The following KIRREL3 variants were observed in gnomAD, a reference collection of about 807,000 sequenced individuals.
KIRREL3 encodes the protein kirre like nephrin family adhesion molecule 3, also known as kin of IRRE-like protein 3.
Under a neutral mutation model 89.7 loss-of-function variants are expected in KIRREL3, and 36 were observed. The observed-to-expected ratio is 0.40, with a 90% CI of 0.31 to 0.53. The LOEUF is 0.53. Among genes scored for constraint, KIRREL3 ranks in the 20% least tolerant of loss-of-function variants. The pLI is 0.49. For synonymous variants in KIRREL3, 445 were observed against 441.4 expected (o/e 1.01, Z -0.10); for missense variants, 864 against 1,056.6 (o/e 0.82, Z 2.53).
chr11:126,790,045 T>C (rs1950591770), intron 1 of KIRREL3, among the ~76,000 whole-genome samples: 1 of 152,216 alleles, frequency 6.6e-6, no homozygotes, highest in Non-Finnish European at 1.5e-5. Context: ...CATCCTCTTC[T>C]AGTCTTCTCT....
Position 126,576,446 on chromosome 11 carries a change from A to G in KIRREL3, c.56-13534T>C, listed in dbSNP as rs903878067. Among the ~76,000 whole-genome samples the G allele has an allele frequency of 5.3e-5, 8 of 152,324 alleles. No individual in the cohort carries two copies. Among genetic ancestry groups the G allele is most frequent in the Non-Finnish European group, 4.4e-5 (3 of 68,032 alleles). On this transcript the variant is annotated intron_variant, in intron 1 of 16. Transcript: ENST00000525144. This position sits in a 1 kb window ranked among gnomAD's most constrained non-coding sequence, Gnocchi z 5.4. The stretch of plus-strand genomic sequence containing the variant: ...ATGGATATTGTGATGAACAAGACAG[A>G]GAAGAATTTTTGCCTTCCCAAGCTT...
intron 9 of KIRREL3, 37 bp from the exon 10 acceptor site, chr11:126,445,142 C>A (rs370218639): frequency 5.6e-6 from 9 of 1,609,316 alleles, no homozygotes; most frequent in Non-Finnish European, 7.6e-6. Flanking sequence ...CAAGAGCAGG[C>A]GGAGGGGTGC....
At chr11:126,449,566 T>G (rs896600115) in intron 7 of KIRREL3, among the ~76,000 whole-genome samples, 1 of 152,182 alleles carries the variant, frequency 6.6e-6, no homozygotes, top group African/African-American at 2.4e-5. Context: ...GGAGGCCAAG[T>G]CCATGACCTC....
chr11:126,431,627 G>C lies in KIRREL3; in HGVS notation c.1589-101C>G. On this transcript the variant is annotated intron_variant, in intron 13 of 16. Transcript: ENST00000525144. This position sits in a 1 kb window ranked among gnomAD's most constrained non-coding sequence, Gnocchi z 7.1. ...CTGCGGGGGCAGCCCCTGCCACATGGGGCCCTCCTGGGAAATGCCTCAGTG... is the reference window on the plus strand; with the variant it reads ...CTGCGGGGGCAGCCCCTGCCACATGCGGCCCTCCTGGGAAATGCCTCAGTG... 1 of 1,178,122 alleles carries C rather than the reference G, an allele frequency of 8.5e-7. No homozygotes were observed. Among genetic ancestry groups the C allele is most frequent in the African/African-American group, 1.5e-5 (1 of 66,626 alleles). The allele number at this position is 1,178,122 out of a possible 1,614,324, so 73.0% of individuals were successfully genotyped here.
chr11:126,672,767 G>A (rs568246372), intron 1 of KIRREL3, among the ~76,000 whole-genome samples: 2 of 152,170 alleles, frequency 1.3e-5, no homozygotes, highest in East Asian at 1.9e-4. Context: ...AGTCAGGTAC[G>A]TGTTACAGTG....
At position 126,828,551 on chromosome 11, in the gene KIRREL3, C is replaced by T. The variant is rs143957210; in HGVS notation, c.55+171904G>A. On this transcript the variant is annotated intron_variant, in intron 1 of 16. Transcript: ENST00000525144. ...ACAGCAGGACCAGGGGAGTGGGGGG[C>T]AAGACAGGTGTCAACGCAGCAGACA... is the stretch of plus-strand genomic sequence containing the variant. 1.4e-3 allele frequency among the ~76,000 whole-genome samples: 211 copies of T among 152,218 alleles called. 1 individual carries two copies. The highest frequency in any genetic ancestry group is 3.4e-3 in the Middle Eastern group (1 of 294).
chr11:126,616,449 T>C (rs563155937), intron 1 of KIRREL3, among the ~76,000 whole-genome samples: 51 of 87,730 alleles, frequency 5.8e-4, no homozygotes, highest in African/African-American at 1.5e-3. Context: ...TGGTTGGGCA[T>C]AGAGGCTTTC....
Position 126,624,760 on chromosome 11 carries a change from G to A in KIRREL3, c.56-61848C>T, listed in dbSNP as rs1025512669. Among the ~76,000 whole-genome samples, 2 of 152,216 alleles carry A rather than the reference G, an allele frequency of 1.3e-5. No individual in the cohort carries two copies. Among genetic ancestry groups the A allele is most frequent in the African/African-American group, 4.8e-5 (2 of 41,454 alleles). On this transcript the variant is annotated intron_variant, in intron 1 of 16. Transcript: ENST00000525144. This position sits in a 1 kb window ranked among gnomAD's most constrained non-coding sequence, Gnocchi z 6.0. The stretch of plus-strand genomic sequence containing the variant: ...GAGCATCAATAACGTGTGTCATGAT[G>A]TAATGCAGGGAGACCTCCAGATGCT...
intron 1 of KIRREL3, among the ~76,000 whole-genome samples, chr11:126,959,419 T>C (rs773995579): frequency 6.6e-5 from 10 of 152,324 alleles, no homozygotes; most frequent in Non-Finnish European, 1.3e-4. Flanking sequence ...CCCTGACTCT[T>C]ATACCCCTAA....
In KIRREL3 at chr11:126,537,330, C is replaced by G. The variant is rs1170769576; in HGVS notation, c.134-10643G>C. Reference sequence around the variant, plus strand: ...GATGGTCACATTTGACCACAGGTTACTGGATTACAAGGGATAAAGTGGTCT... The same window carrying G: ...GATGGTCACATTTGACCACAGGTTAGTGGATTACAAGGGATAAAGTGGTCT... On this transcript the variant is annotated intron_variant, in intron 2 of 16. Transcript: ENST00000525144. The surrounding 1 kb of genome is among the most constrained non-coding windows in gnomAD (Gnocchi z 4.3). Among the ~76,000 whole-genome samples, 1 of 152,126 alleles carries G rather than the reference C, an allele frequency of 6.6e-6. No homozygotes were observed. The highest frequency in any genetic ancestry group is 1.5e-5 in the Non-Finnish European group (1 of 68,030).
chr11:126,995,001 A>T lies in KIRREL3; in HGVS notation c.55+5454T>A, dbSNP rs12289426. On this transcript the variant is annotated intron_variant, in intron 1 of 16. Coordinates refer to ENST00000525144, the MANE Select transcript of KIRREL3 (RefSeq NM_032531.4). This position sits in a 1 kb window ranked among gnomAD's most constrained non-coding sequence, Gnocchi z 6.5. Reference sequence around the variant, plus strand: ...AATGACATGCAATGACGTATGGAACAGTACTGTGTCTCGGTGCAGTCGATT... The same window carrying T: ...AATGACATGCAATGACGTATGGAACTGTACTGTGTCTCGGTGCAGTCGATT... The T allele has an allele frequency of 0.011, 4,119 of 360,562 alleles. 152 individuals carry two copies. Among genetic ancestry groups the T allele is most frequent in the African/African-American group, 0.081 (3,768 of 46,752 alleles). 22.3% of individuals were successfully genotyped at this position (360,562 alleles called of 1,614,324 possible). A position where few individuals can be genotyped will look rare whatever the true frequency, so the allele number is the denominator to read the frequency against.
intron 1 of KIRREL3, among the ~76,000 whole-genome samples, chr11:126,803,895 G>C (rs536327737): frequency 6.6e-6 from 1 of 152,212 alleles, no homozygotes; most frequent in Non-Finnish European, 1.5e-5. Flanking sequence ...CCAAGGCAAT[G>C]GGTAATAACA....
Position 126,648,862 on chromosome 11 carries a change from T to C in KIRREL3, c.56-85950A>G, listed in dbSNP as rs888002754. Among the ~76,000 whole-genome samples, 8 of 152,336 alleles carry C rather than the reference T, an allele frequency of 5.3e-5. No homozygotes were observed. In the South Asian group the frequency reaches 6.2e-4, roughly 12 times the overall value. On this transcript the variant is annotated intron_variant, in intron 1 of 16. Transcript: ENST00000525144. ...CATTTTGCCTGGTTGAATGAGTGGCTAAAATCACAGTCCTACAATTTCAGG... is the reference window on the plus strand; with the variant it reads ...CATTTTGCCTGGTTGAATGAGTGGCCAAAATCACAGTCCTACAATTTCAGG...
chr11:126,875,542 G>C (rs1319468699), intron 1 of KIRREL3, among the ~76,000 whole-genome samples: 1 of 152,194 alleles, frequency 6.6e-6, no homozygotes, highest in Non-Finnish European at 1.5e-5. Context: ...GAAGGCATTA[G>C]ACATTAGAGG....
In KIRREL3 at chr11:126,526,707, A is replaced by G; in HGVS notation, c.134-20T>C. ...CTTGGCCTGGGAAGGAGACAAACACAATGGTCAGTTATCTGCCGGCTACAG... is the reference window on the plus strand; with the variant it reads ...CTTGGCCTGGGAAGGAGACAAACACGATGGTCAGTTATCTGCCGGCTACAG... On this transcript the variant is annotated intron_variant, in intron 2 of 16. Coordinates refer to ENST00000525144, the MANE Select transcript of KIRREL3 (RefSeq NM_032531.4). This position sits in a 1 kb window ranked among gnomAD's most constrained non-coding sequence, Gnocchi z 5.7. 6.4e-7 allele frequency: 1 copy of G among 1,551,586 alleles called. No homozygotes were observed. Among genetic ancestry groups the G allele is most frequent in the East Asian group, 2.4e-5 (1 of 41,018 alleles).
rs1453235070 is a variant in KIRREL3 at position 126,495,925 on chromosome 11, C to G, written c.434-22459G>C. 1.3e-5 allele frequency among the ~76,000 whole-genome samples: 2 copies of G among 152,220 alleles called. No homozygotes were observed. Among genetic ancestry groups the G allele is most frequent in the Non-Finnish European group, 2.9e-5 (2 of 68,036 alleles). ...TCTCGTATCCTAATTGCTGTGGGCT[C>G]CACCTTTGAAACATGCACAGATCAT... is the stretch of plus-strand genomic sequence containing the variant. On this transcript the variant is annotated intron_variant, in intron 4 of 16. Coordinates refer to ENST00000525144, the MANE Select transcript of KIRREL3 (RefSeq NM_032531.4). This position sits in a 1 kb window ranked among gnomAD's most constrained non-coding sequence, Gnocchi z 6.5.
intron 1 of KIRREL3, among the ~76,000 whole-genome samples, chr11:126,839,617 T>C (rs1943895380): frequency 6.6e-6 from 1 of 152,082 alleles, no homozygotes; most frequent in African/African-American, 2.4e-5. Flanking sequence ...TTGCCTTGGG[T>C]AAAAAGACAA....
At position 126,504,836 on chromosome 11, in the gene KIRREL3, C is replaced by T. The variant is rs61031452; in HGVS notation, c.433+16479G>A. On this transcript the variant is annotated intron_variant, in intron 4 of 16. Transcript: ENST00000525144. ...ACATGGGATTTTTATCCCAGGAATT[C>T]AAGGTTGGCTTAACATCTGAAAATC... 3.7e-3 allele frequency among the ~76,000 whole-genome samples: 556 copies of T among 152,280 alleles called. 5 individuals are homozygous for T. Among genetic ancestry groups the T allele is most frequent in the African/African-American group, 0.013 (536 of 41,548 alleles).
At chr11:126,630,438 T>C (rs638008) in intron 1 of KIRREL3, among the ~76,000 whole-genome samples, 141,160 of 152,250 alleles carry the variant, frequency 0.93, 65,584 homozygotes, top group East Asian at 1. Flanking sequence ...ATGGAAATCT[T>C]TCCTCCTTTT....
Sources: gnomAD v4.1 joint callset for allele counts (sites outside exome capture counted in the v4.1 genomes callset) on GRCh38, gnomAD v4.1.1 for gene constraint, Gnocchi (gnomAD v3.1) non-coding constraint, MANE v1.5 for transcripts, NCBI Gene and HGNC (gene_info 2026-07-23, HGNC 2026-07-21) for gene names.